ZNF407: variants seen among roughly 807,000 people sequenced by gnomAD.
ZNF407 encodes zinc finger protein 407.
In ZNF407, 17 loss-of-function variants were observed where a neutral mutation model predicts 131.2. That is an observed-to-expected ratio of 0.13 (90% CI 0.09 to 0.19). The LOEUF (loss-of-function observed/expected upper bound fraction) is 0.19. Ranked by LOEUF, ZNF407 falls within the 10% of genes least tolerant of loss-of-function variation. The pLI is 1.00. For synonymous variants in ZNF407, 1,156 were observed against 1,062.0 expected, an observed-to-expected ratio of 1.09 and a Z score of -1.72; for missense variants, 2,681 against 2,830.6, an observed-to-expected ratio of 0.95 and a Z score of 1.20.
At chr18:74,997,581 G>A (rs2920352) in intron 8 of ZNF407, among the ~76,000 whole-genome samples, 8,821 of 152,216 alleles carry the variant, frequency 0.058, 844 homozygotes, top group African/African-American at 0.2. Context: ...CCATGTGTCC[G>A]TGGAGTGGTT....
At chr18:74,968,518 G>T (rs1599269414) in intron 8 of ZNF407, among the ~76,000 whole-genome samples, 1 of 152,212 alleles carries the variant, frequency 6.6e-6, no homozygotes, top group East Asian at 1.9e-4. Context: ...TCCTTTATGT[G>T]AGGATATTTT....
intron 4 of ZNF407, among the ~76,000 whole-genome samples, chr18:74,858,459 C>T (rs1970891046): frequency 6.6e-6 from 1 of 152,134 alleles, no homozygotes; most frequent in Non-Finnish European, 1.5e-5. Context: ...AAAATAGTCA[C>T]TGGCTGGCTT....
chr18:74,813,514 C>T (rs542598112), intron 4 of ZNF407, among the ~76,000 whole-genome samples: 1 of 152,308 alleles, frequency 6.6e-6, no homozygotes, highest in African/African-American at 2.4e-5. Context: ...GTGGGAAGAC[C>T]TGCTTTGCCA....
At chr18:74,687,444 C>T (rs755873033) in intron 3 of ZNF407, among the ~76,000 whole-genome samples, 2 of 152,176 alleles carry the variant, frequency 1.3e-5, no homozygotes, top group Non-Finnish European at 2.9e-5. Context: ...AGCTGGGAAG[C>T]GCAGGTGGCG....
chr18:74,994,857 G>A (rs887277563), intron 8 of ZNF407, among the ~76,000 whole-genome samples: 1 of 152,144 alleles, frequency 6.6e-6, no homozygotes, highest in African/African-American at 2.4e-5. Flanking sequence ...AGACAGAGTT[G>A]AGATTTTTTT....
chr18:74,631,416 C>T lies in ZNF407; in HGVS notation c.397C>T (p.Pro133Ser). The change falls in exon 2 of 9, where the codon CCT (proline) becomes TCT (serine). Residue 133 changes from proline to serine, a missense_variant. By Grantham distance (74) the Pro-to-Ser change is moderately conservative. Around this residue, in one of 6 missense-constraint regions of ZNF407, gnomAD observed 1,789 missense variants for 1,748.7 expected, o/e 1.02. Transcript: ENST00000299687. ...GGTCLPNALS[P>S]SCNFSTIDVV... ...CACATGTCTCCCAAATGCCCTCTCCCCTTCTTGCAATTTTAGCACTATTGA... is the reference window on the plus strand; with the variant it reads ...CACATGTCTCCCAAATGCCCTCTCCTCTTCTTGCAATTTTAGCACTATTGA... 6.2e-7 allele frequency: 1 copy of T among 1,614,012 alleles called. No individual in the cohort carries two copies. Among genetic ancestry groups the T allele is most frequent in the Non-Finnish European group, 8.5e-7 (1 of 1,179,894 alleles).
At chr18:74,887,436 C>T (rs1050113764) in intron 6 of ZNF407, among the ~76,000 whole-genome samples, 50 of 152,076 alleles carry the variant, frequency 3.3e-4, no homozygotes, top group African/African-American at 1.0e-3. Context: ...GATTTTTACT[C>T]TGCTTGGTAT....
intron 8 of ZNF407, among the ~76,000 whole-genome samples, chr18:75,026,966 C>G (rs1973178639): frequency 6.6e-6 from 1 of 152,214 alleles, no homozygotes. Flanking sequence ...CCTCACAGAG[C>G]TTGCATTCTA....
intron 8 of ZNF407, among the ~76,000 whole-genome samples, chr18:75,015,385 A>G (rs1395867180): frequency 6.6e-6 from 1 of 151,636 alleles, no homozygotes; most frequent in East Asian, 1.9e-4. Context: ...GCTATAAAAA[A>G]TGAACTATTC....
chr18:74,608,507 C>T (rs541722145), intron 1 of ZNF407, among the ~76,000 whole-genome samples: 7 of 152,094 alleles, frequency 4.6e-5, no homozygotes, highest in South Asian at 2.1e-4. Flanking sequence ...CCACCACATC[C>T]GGCTAATTTT....
chr18:74,824,462 G>A lies in ZNF407; in HGVS notation c.4877+42960G>A, dbSNP rs375099924. On this transcript the variant is annotated intron_variant, in intron 4 of 8. Coordinates refer to ENST00000299687, the MANE Select transcript of ZNF407 (RefSeq NM_017757.3). ...AAAAGATCAACAAAATAGATAGACC[G>A]CTAGCCTGACTAATAAAGAAGAAAA... 1.3e-3 allele frequency among the ~76,000 whole-genome samples: 194 copies of A among 152,074 alleles called. 5 individuals carry two copies. The South Asian group carries it at 0.033, about 26-fold the overall frequency.
chr18:75,064,585 T>A lies in ZNF407; in HGVS notation c.*117T>A, dbSNP rs1973689014. ...CAAAACCATGAGGACAAGGCTCCCGTGAGCTCTGAGCATGCCCTCCCAGCG... is the reference window on the plus strand; with the variant it reads ...CAAAACCATGAGGACAAGGCTCCCGAGAGCTCTGAGCATGCCCTCCCAGCG... On this transcript the variant is annotated 3_prime_UTR_variant, in exon 9 of 9. Coordinates refer to ENST00000299687, the MANE Select transcript of ZNF407 (RefSeq NM_017757.3). 2 of 954,714 alleles carry A rather than the reference T, an allele frequency of 2.1e-6. No individual in the cohort carries two copies. The highest frequency in any genetic ancestry group is 3.0e-6 in the Non-Finnish European group (2 of 670,876). The allele number at this position is 954,714 out of a possible 1,614,324, so 59.1% of individuals were successfully genotyped here.
intron 3 of ZNF407, among the ~76,000 whole-genome samples, chr18:74,695,852 A>G (rs1471133421): frequency 6.6e-6 from 1 of 151,134 alleles, no homozygotes; most frequent in African/African-American, 2.4e-5. Context: ...CATTGTTGGC[A>G]TGCTTTACAA....
intron 3 of ZNF407, among the ~76,000 whole-genome samples, chr18:74,654,793 C>T (rs1195941141): frequency 1.3e-5 from 2 of 151,720 alleles, no homozygotes; most frequent in Admixed American, 6.6e-5. Flanking sequence ...TTCTTAGAAA[C>T]ATATTAAACA....
At chr18:74,764,372 A>G (rs985564069) in intron 3 of ZNF407, among the ~76,000 whole-genome samples, 5 of 152,296 alleles carry the variant, frequency 3.3e-5, no homozygotes, top group Admixed American at 3.3e-4. Context: ...AAGCTCATCT[A>G]ATGAATTTTT....
chr18:74,768,994 T>C (rs1358827681), intron 3 of ZNF407, among the ~76,000 whole-genome samples: 2 of 152,174 alleles, frequency 1.3e-5, no homozygotes, highest in Non-Finnish European at 2.9e-5. Context: ...TTAGTCATGG[T>C]CATCGTCGTC....
At chr18:75,023,671 G>A (rs768022707) in intron 8 of ZNF407, among the ~76,000 whole-genome samples, 8 of 151,964 alleles carry the variant, frequency 5.3e-5, no homozygotes, top group Non-Finnish European at 7.4e-5. Flanking sequence ...AATTATAGTC[G>A]GCTTTCTCTA....
chr18:75,003,570 CT>C (rs1972872631), intron 8 of ZNF407, among the ~76,000 whole-genome samples: 1 of 152,200 alleles, frequency 6.6e-6, no homozygotes. Flanking sequence ...AAGTAGACTT[CT>C]TTCTCATTTA....
chr18:74,839,440 C>G (rs1970601915), intron 4 of ZNF407, among the ~76,000 whole-genome samples: 1 of 152,188 alleles, frequency 6.6e-6, no homozygotes, highest in Non-Finnish European at 1.5e-5. Context: ...AGTTTACATG[C>G]AGAATTTTTT....
Sources: allele counts gnomAD v4.1 joint callset (sites outside exome capture counted in the v4.1 genomes callset), GRCh38; gene constraint gnomAD v4.1.1; regional missense constraint gnomAD v4.1.1; transcripts MANE v1.5; gene names NCBI Gene and HGNC (gene_info 2026-07-23, HGNC 2026-07-21).